Variants in CCDC60 observed in about 807,000 individuals in gnomAD.
CCDC60 encodes the protein coiled-coil domain-containing protein 60.
A neutral mutation model predicts 63.5 loss-of-function variants in CCDC60; 54 were observed. The observed-to-expected ratio is 0.85, with a 90% confidence interval of 0.68 to 1.07. The LOEUF is 1.07. Ranked by LOEUF, CCDC60 falls within the 50% of genes least tolerant of loss-of-function variation. CCDC60 has a pLI of 0.00. For missense variants in CCDC60, 651 were observed against 684.3 expected, an observed-to-expected ratio of 0.95 and a Z score of 0.54; for synonymous variants, 206 against 238.8, an observed-to-expected ratio of 0.86 and a Z score of 1.27.
chr12:119,478,982 G>A, intron 3 of CCDC60, 112 bp from the exon 4 acceptor site: 1 of 741,938 alleles, frequency 1.3e-6, no homozygotes, highest in Non-Finnish European at 2.4e-6. Flanking sequence ...TTATTTGCCT[G>A]ATACATAGTA....
intron 2 of CCDC60, among the ~76,000 whole-genome samples, chr12:119,460,659 TG>T (rs1248557400): frequency 1.3e-5 from 2 of 152,246 alleles, no homozygotes; most frequent in Non-Finnish European, 2.9e-5. Context: ...TTGTGGATTT[TG>T]TTCACACGGA....
chr12:119,436,495 C>CAGCAAGCAAAGAGA (rs940875451), intron 2 of CCDC60, among the ~76,000 whole-genome samples: 28 of 150,884 alleles, frequency 1.9e-4, no homozygotes, highest in East Asian at 9.8e-4. Flanking sequence ...TTAGAGAACA[C>CAGCAAGCAAAGAGA]AGCAAGCAAA....
At position 119,540,436 on chromosome 12, in the gene CCDC60, G is replaced by A. The variant is rs139286884; in HGVS notation, c.1552-178G>A. Among the ~76,000 whole-genome samples the A allele has an allele frequency of 3.8e-3, 572 of 152,240 alleles. 12 individuals are homozygous for A. The highest frequency in any genetic ancestry group is 0.011 in the East Asian group (56 of 5,178). Reference sequence around the variant, plus strand: ...CTGCTGAGCCAGGAAGCTGGAAAGGGGTCCTCTTCACCAAAGGACCACCCC... The same window carrying A: ...CTGCTGAGCCAGGAAGCTGGAAAGGAGTCCTCTTCACCAAAGGACCACCCC... On this transcript the variant is annotated intron_variant, in intron 13 of 13. Transcript: ENST00000327554.
At chr12:119,423,557 C>T (rs1386555718) in intron 1 of CCDC60, among the ~76,000 whole-genome samples, 2 of 152,208 alleles carry the variant, frequency 1.3e-5, no homozygotes, top group African/African-American at 4.8e-5. Flanking sequence ...CATCCCTTCT[C>T]TCATTCGGCT....
At chr12:119,338,898 G>A (rs1001810509) in intron 1 of CCDC60, among the ~76,000 whole-genome samples, 1 of 152,138 alleles carries the variant, frequency 6.6e-6, no homozygotes, top group African/African-American at 2.4e-5. Flanking sequence ...GGGTCTCGAA[G>A]CCCTCTGAAC....
chr12:119,363,956 G>A lies in CCDC60; in HGVS notation c.90+28690G>A, dbSNP rs147542043. Among the ~76,000 whole-genome samples the A allele has an allele frequency of 4.5e-4, 69 of 152,234 alleles. No homozygotes were observed. In the East Asian group the frequency reaches 0.012, roughly 26 times the overall value. On this transcript the variant is annotated intron_variant, in intron 1 of 13. Coordinates refer to ENST00000327554, the MANE Select transcript of CCDC60 (RefSeq NM_178499.5). ...GTTTTATGTCTTTCATAATTTCTAAGCAGCACTCTTCACTCTCTGAAATTT... is the reference window on the plus strand; with the variant it reads ...GTTTTATGTCTTTCATAATTTCTAAACAGCACTCTTCACTCTCTGAAATTT...
chr12:119,428,808 A>T, intron 2 of CCDC60, 46 bp downstream of exon 2: 1 of 1,294,246 alleles, frequency 7.7e-7, no homozygotes, highest in Non-Finnish European at 1.1e-6. Flanking sequence ...CCCAACAGGC[A>T]TGAGCAGGCT....
chr12:119,343,522 G>A (rs969909046), intron 1 of CCDC60, among the ~76,000 whole-genome samples: 1 of 152,080 alleles, frequency 6.6e-6, no homozygotes, highest in Admixed American at 6.6e-5. Flanking sequence ...CACCTACCAT[G>A]TGACAGATGT....
rs145464324 is a variant in CCDC60, at chr12:119,465,619, G to A, written c.171-6375G>A. ...CTAAAAATATAAAAACTAGCCAGGC[G>A]TGATGGTGGGCACCTGTAATCCCAG... On this transcript the variant is annotated intron_variant, in intron 2 of 13. Transcript: ENST00000327554. Among the ~76,000 whole-genome samples the A allele has an allele frequency of 4.5e-3, 686 of 152,056 alleles. 16 individuals are homozygous for A. The highest frequency in any genetic ancestry group is 0.033 in the Admixed American group (504 of 15,286).
chr12:119,345,456 C>A (rs1166335289), intron 1 of CCDC60, among the ~76,000 whole-genome samples: 1 of 152,028 alleles, frequency 6.6e-6, no homozygotes, highest in Non-Finnish European at 1.5e-5. Flanking sequence ...GAGCCCAGAT[C>A]ATGCCACTGC....
At chr12:119,520,941 G>T (rs904029424) in intron 9 of CCDC60, among the ~76,000 whole-genome samples, 2 of 152,182 alleles carry the variant, frequency 1.3e-5, no homozygotes, top group African/African-American at 2.4e-5. Context: ...TGCCCTCATG[G>T]ATCTCTGTGT....
At chr12:119,481,966 T>C (rs1406828278) in intron 4 of CCDC60, among the ~76,000 whole-genome samples, 2 of 146,064 alleles carry the variant, frequency 1.4e-5, no homozygotes, top group East Asian at 2.0e-4. Flanking sequence ...TATTCCATCA[T>C]ATATATATAG....
At chr12:119,397,387 T>C (rs989312726) in intron 1 of CCDC60, among the ~76,000 whole-genome samples, 1 of 152,152 alleles carries the variant, frequency 6.6e-6, no homozygotes, top group Non-Finnish European at 1.5e-5. Flanking sequence ...TACAGAGAGC[T>C]GATTGGTCCA....
chr12:119,474,864 T>C (rs1288626046), intron 3 of CCDC60, among the ~76,000 whole-genome samples: 4 of 151,634 alleles, frequency 2.6e-5, no homozygotes, highest in Admixed American at 2.6e-4. Context: ...AAAAGAAAAA[T>C]ATATACAATT....
chr12:119,528,787 G>A (rs765321280), intron 12 of CCDC60, 41 bp downstream of exon 12: 1 of 1,589,288 alleles, frequency 6.3e-7, no homozygotes, highest in Admixed American at 1.7e-5. Context: ...CCCTGGAAGA[G>A]AACAGGGTGT....
At chr12:119,372,970 A>C (rs893998353) in intron 1 of CCDC60, among the ~76,000 whole-genome samples, 6 of 152,208 alleles carry the variant, frequency 3.9e-5, no homozygotes, top group African/African-American at 1.4e-4. Context: ...TTTTTGTTTA[A>C]CGTTACTGTA....
At chr12:119,444,322 C>G (rs956153735) in intron 2 of CCDC60, among the ~76,000 whole-genome samples, 1 of 152,150 alleles carries the variant, frequency 6.6e-6, no homozygotes, top group African/African-American at 2.4e-5. Flanking sequence ...AGAAGTAGAG[C>G]CAATGGCTTG....
At chr12:119,380,062 C>T (rs1176070470) in intron 1 of CCDC60, among the ~76,000 whole-genome samples, 4 of 152,110 alleles carry the variant, frequency 2.6e-5, no homozygotes, top group African/African-American at 4.8e-5. Flanking sequence ...GATTGTGGAG[C>T]GGGACTGCAA....
chr12:119,500,237 C>T (rs1210279493), intron 6 of CCDC60, 69 bp downstream of exon 6: 1 of 1,073,964 alleles, frequency 9.3e-7, no homozygotes, highest in Non-Finnish European at 1.4e-6. Context: ...GTATTTTTGC[C>T]AGTCTTTTCT....
Sources: gnomAD v4.1 joint callset for allele counts (sites outside exome capture counted in the v4.1 genomes callset) on GRCh38, gnomAD v4.1.1 for gene constraint, MANE v1.5 for transcripts, NCBI Gene and HGNC (gene_info 2026-07-23, HGNC 2026-07-21) for gene names.